The following LRGUK variants were observed in gnomAD, a reference collection of about 807,000 sequenced individuals.
LRGUK encodes leucine rich repeats and guanylate kinase domain containing.
A neutral mutation model predicts 76.0 loss-of-function variants in LRGUK; 65 were observed. The observed-to-expected ratio is 0.85, with a 90% CI of 0.70 to 1.05. LRGUK has a LOEUF of 1.05. LRGUK is among the 50% of genes least tolerant of loss of function. LRGUK has a pLI of 0.00. For missense variants in LRGUK, 758 were observed against 732.8 expected (o/e 1.03, Z -0.40); for synonymous variants, 268 against 265.6 (o/e 1.01, Z -0.09).
chr7:134,201,641 G>A (rs1482565617), intron 15 of LRGUK, 65 bp downstream of exon 15: 3 of 1,191,168 alleles, frequency 2.5e-6, no homozygotes, highest in Admixed American at 3.7e-5. Context: ...ACAAATCTGA[G>A]TTGCTATTTG....
chr7:134,175,682 T>A (rs1450480569), intron 8 of LRGUK, among the ~76,000 whole-genome samples: 1 of 152,158 alleles, frequency 6.6e-6, no homozygotes, highest in Non-Finnish European at 1.5e-5. Context: ...TGTGGTTTTT[T>A]TCATTCTTTT....
intron 8 of LRGUK, among the ~76,000 whole-genome samples, chr7:134,175,820 A>T (rs1799455722): frequency 6.6e-6 from 1 of 152,220 alleles, no homozygotes; most frequent in South Asian, 2.1e-4. Context: ...AATTTCCAAA[A>T]GGCAGATAAT....
chr7:134,210,773 G>T (rs1233950092), downstream of LRGUK, among the ~76,000 whole-genome samples: 1 of 152,182 alleles, frequency 6.6e-6, no homozygotes, highest in Non-Finnish European at 1.5e-5. Flanking sequence ...GAGAGGTCAG[G>T]CCAGAGAGAG....
Position 134,148,352 on chromosome 7 carries a change from A to T in LRGUK, c.670+33A>T, listed in dbSNP as rs775784222. On this transcript the variant is annotated intron_variant, in intron 5 of 15. Coordinates refer to ENST00000645682, the Ensembl canonical transcript of LRGUK. ...TTGAATAAGTAAAGGGGAAAATTTT[A>T]AAAACAATATAAAAATTAAAGACTA... The T allele has an allele frequency of 1.3e-5, 16 of 1,257,254 alleles. No homozygotes were observed. In the East Asian group the frequency reaches 2.1e-4, roughly 17 times the overall value. The allele number at this position is 1,257,254 out of a possible 1,614,324, so 77.9% of individuals were successfully genotyped here.
Position 134,253,185 on chromosome 7 carries a change from G to A in LRGUK, c.2198+4109G>A, listed in dbSNP as rs557129106. Among the ~76,000 whole-genome samples, 6 of 152,304 alleles carry A rather than the reference G, an allele frequency of 3.9e-5. No individual in the cohort carries two copies. In the South Asian group the frequency reaches 1.2e-3, roughly 32 times the overall value. On this transcript the variant is annotated intron_variant, in intron 18 of 19. Coordinates refer to the LRGUK transcript ENST00000285928. ...TCACAGCCACCTACTAGGTTCTGCA[G>A]CGGAAAATTACCTATGAATTTTTGA...
At position 134,148,327 on chromosome 7, in the gene LRGUK, T is replaced by G. The variant is rs777544274; in HGVS notation, c.670+8T>G. 2.0e-6 allele frequency: 3 copies of G among 1,511,514 alleles called. No individual in the cohort carries two copies. Among genetic ancestry groups the G allele is most frequent in the Non-Finnish European group, 2.7e-6 (3 of 1,104,176 alleles). The allele number at this position is 1,511,514 out of a possible 1,614,324, so 93.6% of individuals were successfully genotyped here. ...CTAAACTAATTTTGGATGGTATCCT[T>G]TGAATAAGTAAAGGGGAAAATTTTA... On this transcript the variant is annotated splice_region_variant and intron_variant, in intron 5 of 15. Transcript: ENST00000645682.
rs559522512 is a variant in LRGUK at position 134,200,961 on chromosome 7, G to A, written c.1748-520G>A. 3.3e-5 allele frequency among the ~76,000 whole-genome samples: 5 copies of A among 152,254 alleles called. No homozygotes were observed. The East Asian group carries it at 9.6e-4, about 29-fold the overall frequency. On this transcript the variant is annotated intron_variant, in intron 14 of 15. Coordinates refer to ENST00000645682, the Ensembl canonical transcript of LRGUK. ...GAGTTTCTTTTGGTTGTAGAACTGA[G>A]GTCCCAGTTTCCCTGTGGGCTGTCT...
intron 15 of LRGUK, 56 bp downstream of exon 15, chr7:134,201,632 CA>C (rs1800777592): frequency 3.8e-6 from 5 of 1,303,824 alleles, no homozygotes; most frequent in Non-Finnish European, 5.5e-6. Context: ...GAAAGGAAAA[CA>C]AATCTGAGTT....
chr7:134,204,915 G>A (rs1356338146), intron 15 of LRGUK, among the ~76,000 whole-genome samples: 2 of 152,178 alleles, frequency 1.3e-5, no homozygotes, highest in African/African-American at 4.8e-5. Flanking sequence ...GTTGGTTCCT[G>A]CCAGTGGGTT....
chr7:134,214,247 T>C (rs1801373604), downstream of LRGUK, among the ~76,000 whole-genome samples: 1 of 152,160 alleles, frequency 6.6e-6, no homozygotes, highest in Non-Finnish European at 1.5e-5. Context: ...AATTGGCAGA[T>C]GAAAAACAAC....
At chr7:134,156,737 T>A (rs997858993) in intron 5 of LRGUK, among the ~76,000 whole-genome samples, 4 of 152,122 alleles carry the variant, frequency 2.6e-5, no homozygotes, top group Non-Finnish European at 4.4e-5. Flanking sequence ...AATCAATATT[T>A]AAAAAAAATT....
chr7:134,188,907 C>T (rs1425867683), intron 11 of LRGUK, among the ~76,000 whole-genome samples: 1 of 151,812 alleles, frequency 6.6e-6, no homozygotes, highest in Non-Finnish European at 1.5e-5. Context: ...CTGAATGACA[C>T]AGAAAAAAAA....
chr7:134,152,807 A>G (rs1798279673), intron 5 of LRGUK, among the ~76,000 whole-genome samples: 1 of 152,212 alleles, frequency 6.6e-6, no homozygotes, highest in East Asian at 1.9e-4. Context: ...TTGTACTAGT[A>G]AAAAATTGAA....
intron 7 of LRGUK, among the ~76,000 whole-genome samples, chr7:134,169,797 T>G (rs1799167302): frequency 6.6e-6 from 1 of 152,112 alleles, no homozygotes; most frequent in African/African-American, 2.4e-5. Context: ...TTATTGAAAT[T>G]TATGTTTAAA....
intron 6 of LRGUK, 34 bp downstream of exon 6, chr7:134,158,193 T>C: frequency 6.3e-7 from 1 of 1,580,214 alleles, no homozygotes; most frequent in Non-Finnish European, 8.7e-7. Flanking sequence ...TTTATAGAAG[T>C]AGTAGTTAAT....
At chr7:134,158,670 G>A in intron 6 of LRGUK, among the ~76,000 whole-genome samples, 1 of 152,138 alleles carries the variant, frequency 6.6e-6, no homozygotes, top group East Asian at 1.9e-4. Flanking sequence ...AAGAATAAAT[G>A]AACAATTCCA....
chr7:134,212,045 G>A (rs1290175013), downstream of LRGUK, among the ~76,000 whole-genome samples: 1 of 152,120 alleles, frequency 6.6e-6, no homozygotes, highest in Non-Finnish European at 1.5e-5. Context: ...TGCACATGGT[G>A]GGAAACATGG....
exon 16 of LRGUK, chr7:134,208,903 T>A (rs1266572187): frequency 2.5e-6 from 1 of 398,804 alleles, no homozygotes; most frequent in African/African-American, 2.1e-5. Flanking sequence ...GAGAAACCCA[T>A]CAAAAAGAGC....
chr7:134,272,399 C>T, the LRGUK span, among the ~76,000 whole-genome samples: 1 of 151,998 alleles, frequency 6.6e-6, no homozygotes, highest in Non-Finnish European at 1.5e-5. Flanking sequence ...CTCTTCTTTC[C>T]TTTCCCTCCT....
Sources: gnomAD v4.1 joint callset for allele counts (sites outside exome capture counted in the v4.1 genomes callset) on GRCh38, gnomAD v4.1.1 for gene constraint, MANE v1.5 for transcripts, NCBI Gene and HGNC (gene_info 2026-07-23, HGNC 2026-07-21) for gene names.